SUGCT: variants seen among roughly 807,000 people sequenced by gnomAD.
The protein encoded by SUGCT is succinyl-CoA:glutarate CoA-transferase.
In SUGCT, 41 loss-of-function variants were observed where a neutral mutation model predicts 55.0. The observed-to-expected ratio is 0.74, with a 90% confidence interval of 0.58 to 0.97. The LOEUF (loss-of-function observed/expected upper bound fraction) is 0.97. Ranked by LOEUF, SUGCT falls within the 50% of genes least tolerant of loss-of-function variation. The probability of loss-of-function intolerance (pLI) is 0.00; values close to 1 mark genes in which losing one functional copy is unlikely to be tolerated. For missense variants in SUGCT, 568 were observed against 547.8 expected, an observed-to-expected ratio of 1.04 and a Z score of -0.37; for synonymous variants, 187 against 200.4, an observed-to-expected ratio of 0.93 and a Z score of 0.56.
At chr7:40,382,156 A>G (rs867856282) in intron 9 of SUGCT, among the ~76,000 whole-genome samples, 20 of 152,228 alleles carry the variant, frequency 1.3e-4, no homozygotes, top group African/African-American at 4.3e-4. Context: ...ATTCATTTTC[A>G]TATGTCCCTG....
At chr7:40,295,379 C>T (rs1232892446) in intron 8 of SUGCT, among the ~76,000 whole-genome samples, 1 of 152,096 alleles carries the variant, frequency 6.6e-6, no homozygotes, top group Non-Finnish European at 1.5e-5. Flanking sequence ...AGTTCGAGAC[C>T]AGCCTGACCA....
intron 9 of SUGCT, among the ~76,000 whole-genome samples, chr7:40,388,924 G>T (rs1785261166): frequency 6.6e-6 from 1 of 151,980 alleles, no homozygotes; most frequent in South Asian, 2.1e-4. Flanking sequence ...TACCACTTAA[G>T]AACTTAAAAA....
intron 9 of SUGCT, among the ~76,000 whole-genome samples, chr7:40,407,658 C>T (rs1786450990): frequency 6.6e-6 from 1 of 152,040 alleles, no homozygotes; most frequent in Admixed American, 6.6e-5. Flanking sequence ...TCTATTTTGG[C>T]ACTCCTCTGC....
intron 1 of SUGCT, among the ~76,000 whole-genome samples, chr7:40,159,399 T>C: frequency 6.6e-6 from 1 of 151,962 alleles, no homozygotes; most frequent in East Asian, 1.9e-4. Context: ...TGAGACTGAG[T>C]CTCGCTGTGT....
chr7:40,461,498 A>G (rs1284298840), intron 11 of SUGCT, among the ~76,000 whole-genome samples: 4 of 152,178 alleles, frequency 2.6e-5, no homozygotes, highest in Non-Finnish European at 5.9e-5. Context: ...ACTATTCTGA[A>G]ACTTAGTCAT....
intron 9 of SUGCT, among the ~76,000 whole-genome samples, chr7:40,383,322 A>T (rs1254188181): frequency 6.6e-6 from 1 of 152,188 alleles, no homozygotes; most frequent in African/African-American, 2.4e-5. Flanking sequence ...GATTTTAAGT[A>T]ACTTGCCTGA....
At chr7:40,749,062 A>C (rs958923237) in intron 12 of SUGCT, among the ~76,000 whole-genome samples, 2 of 152,066 alleles carry the variant, frequency 1.3e-5, no homozygotes, top group African/African-American at 4.8e-5. Context: ...CTATTTCTTG[A>C]CCTTGGCCGA....
At chr7:40,921,275 G>A in the SUGCT span, among the ~76,000 whole-genome samples, 1 of 152,056 alleles carries the variant, frequency 6.6e-6, no homozygotes, top group Non-Finnish European at 1.5e-5. Flanking sequence ...GAAGCGAGGT[G>A]AATAAATTTG....
intron 11 of SUGCT, among the ~76,000 whole-genome samples, chr7:40,492,907 T>C (rs1353910429): frequency 1.3e-5 from 2 of 152,194 alleles, no homozygotes; most frequent in Admixed American, 6.5e-5. Context: ...GTCTTTTTTA[T>C]TGCAATCTCC....
In SUGCT at chr7:40,432,648, T is replaced by C. The variant is rs1043713235; in HGVS notation, c.817-16639T>C. 1.0e-4 allele frequency among the ~76,000 whole-genome samples: 14 copies of C among 137,282 alleles called. No homozygotes were observed. The Admixed American group carries it at 1.1e-3, about 11-fold the overall frequency. The allele number at this position is 137,282 out of a possible 152,430, so 90.1% of individuals were successfully genotyped here. ...TTGCAGTGAACCAAGATTGTGCCGC[T>C]GCACTCCAGCCTGAGCAACAGAGTG... On this transcript the variant is annotated intron_variant, in intron 9 of 13. Coordinates refer to ENST00000335693, the MANE Select transcript of SUGCT (RefSeq NM_001193313.2).
At chr7:40,370,098 A>AC (rs1160775145) in intron 9 of SUGCT, among the ~76,000 whole-genome samples, 1 of 152,150 alleles carries the variant, frequency 6.6e-6, no homozygotes, top group East Asian at 1.9e-4. Flanking sequence ...AAGTTTACCC[A>AC]CTAGTGGGAA....
rs1210234841 is a variant in SUGCT at position 40,813,952 on chromosome 7, G to T, written c.1154-46364G>T. On this transcript the variant is annotated intron_variant, in intron 13 of 13. Transcript: ENST00000335693. ...CTTTAGCATTTGCTTGCCCGGAAAA[G>T]ATTTTCCCTTCACTTATGAAGCTTA... Among the ~76,000 whole-genome samples the T allele has an allele frequency of 3.9e-5, 6 of 152,254 alleles. No individual in the cohort carries two copies. In the East Asian group the frequency reaches 1.2e-3, roughly 29 times the overall value.
At chr7:40,189,644 G>A in intron 5 of SUGCT, 50 bp downstream of exon 5, 2 of 1,057,224 alleles carry the variant, frequency 1.9e-6, no homozygotes, top group Non-Finnish European at 2.6e-6. Flanking sequence ...TATAATTAGG[G>A]TTTGGAATAT....
At chr7:40,423,372 A>G (rs1787415794) in intron 9 of SUGCT, among the ~76,000 whole-genome samples, 3 of 152,150 alleles carry the variant, frequency 2.0e-5, no homozygotes, top group South Asian at 2.1e-4. Context: ...ATCATAGACT[A>G]TTTTATAGGA....
chr7:40,659,189 T>C (rs1179465201), intron 12 of SUGCT, among the ~76,000 whole-genome samples: 1 of 152,202 alleles, frequency 6.6e-6, no homozygotes, highest in African/African-American at 2.4e-5. Flanking sequence ...TGATACTTTA[T>C]TATCCCATAG....
At chr7:40,335,512 T>C (rs1203728405) in intron 9 of SUGCT, among the ~76,000 whole-genome samples, 1 of 152,056 alleles carries the variant, frequency 6.6e-6, no homozygotes, top group African/African-American at 2.4e-5. Flanking sequence ...TTGAAGCAAT[T>C]GTGAATGGGA....
chr7:40,847,419 T>TTTATTTTATTTTATTTTTTTTTTTTA (rs1793624213), intron 13 of SUGCT, among the ~76,000 whole-genome samples: 2 of 142,544 alleles, frequency 1.4e-5, no homozygotes, highest in African/African-American at 5.2e-5. Flanking sequence ...TTCTTTTTTT[T>TTTATTTTATTTTATTTTTTTTTTTTA]TTTTTTTTTT....
chr7:40,170,287 G>C (rs1784608544), intron 1 of SUGCT, among the ~76,000 whole-genome samples: 1 of 152,158 alleles, frequency 6.6e-6, no homozygotes. Flanking sequence ...GTTAGTGTCT[G>C]ATCTAGCAAT....
chr7:40,520,905 G>C (rs1002805709), intron 12 of SUGCT, among the ~76,000 whole-genome samples: 7 of 152,134 alleles, frequency 4.6e-5, no homozygotes, highest in African/African-American at 9.7e-5. Flanking sequence ...TTATCCTTCA[G>C]ATTGTCAGGT....
Sources: allele counts gnomAD v4.1 joint callset (sites outside exome capture counted in the v4.1 genomes callset), GRCh38; gene constraint gnomAD v4.1.1; transcripts MANE v1.5; gene names NCBI Gene and HGNC (gene_info 2026-07-23, HGNC 2026-07-21).